Variants in ASRGL1 observed in about 807,000 individuals in gnomAD.
The protein encoded by ASRGL1 is asparaginase and isoaspartyl peptidase 1.
Under a neutral mutation model 22.4 loss-of-function variants are expected in ASRGL1, and 16 were observed. That is an observed-to-expected ratio of 0.71 (90% CI 0.48 to 1.08). The LOEUF (loss-of-function observed/expected upper bound fraction) is 1.08. ASRGL1 is among the 50% of genes least tolerant of loss of function. The pLI is 0.00. For missense variants in ASRGL1, 412 were observed against 410.1 expected (o/e 1.00, Z -0.04); for synonymous variants, 165 against 159.3 (o/e 1.04, Z -0.27).
chr11:62,365,537 G>GT (rs1946590664), intron 4 of ASRGL1, among the ~76,000 whole-genome samples: 1 of 151,932 alleles, frequency 6.6e-6, no homozygotes, highest in Non-Finnish European at 1.5e-5. Flanking sequence ...CTGGGCAACA[G>GT]TGCAAGACTC....
intron 4 of ASRGL1, among the ~76,000 whole-genome samples, chr11:62,373,746 G>A (rs575630435): frequency 1.3e-5 from 2 of 152,368 alleles, no homozygotes; most frequent in South Asian, 4.1e-4. Context: ...TTGGCTGCCT[G>A]TACACCCACA....
intron 4 of ASRGL1, 128 bp downstream of exon 4, chr11:62,357,272 C>G: frequency 1.3e-5 from 3 of 231,458 alleles, no homozygotes; most frequent in Non-Finnish European, 2.1e-5. Context: ...TTGTTTGACA[C>G]GGAGTCTCTC....
chr11:62,398,795 G>A, the ASRGL1 span, among the ~76,000 whole-genome samples: 42 of 152,262 alleles, frequency 2.8e-4, 1 homozygote, highest in African/African-American at 9.6e-4. Context: ...CTCTGGCTTT[G>A]GCACAAATAT....
In ASRGL1 at chr11:62,392,505, G is replaced by A; in HGVS notation, c.*221G>A. ...GATTACTTGAGCCCAGGAGGTCAAA[G>A]CTGAGGTGAGCCATGATTACTCCAC... On this transcript the variant is annotated 3_prime_UTR_variant, in exon 7 of 7. Transcript: ENST00000415229. 1 of 583,472 alleles carries A rather than the reference G, an allele frequency of 1.7e-6. No individual in the cohort carries two copies. Among genetic ancestry groups the A allele is most frequent in the Non-Finnish European group, 3.0e-6 (1 of 329,880 alleles). 36.1% of individuals were successfully genotyped at this position (583,472 alleles called of 1,614,324 possible).
intron 4 of ASRGL1, chr11:62,382,755 C>G (rs1253992494): frequency 6.6e-6 from 1 of 152,290 alleles, no homozygotes; most frequent in East Asian, 1.9e-4. Context: ...TGGGGAGAAA[C>G]CTTGGACAAT....
At chr11:62,361,369 A>G (rs1946428453) in intron 4 of ASRGL1, among the ~76,000 whole-genome samples, 1 of 151,476 alleles carries the variant, frequency 6.6e-6, no homozygotes, top group Non-Finnish European at 1.5e-5. Context: ...TATTTTTAGT[A>G]GAGACGGGGT....
intron 4 of ASRGL1, among the ~76,000 whole-genome samples, chr11:62,364,496 T>C (rs1382440866): frequency 6.6e-6 from 1 of 152,202 alleles, no homozygotes; most frequent in Non-Finnish European, 1.5e-5. Flanking sequence ...CTTCTAGGCA[T>C]ATACCCAAAG....
intron 2 of ASRGL1, among the ~76,000 whole-genome samples, chr11:62,348,009 A>C (rs1946072107): frequency 6.6e-6 from 1 of 152,228 alleles, no homozygotes; most frequent in Non-Finnish European, 1.5e-5. Flanking sequence ...TTGAATCCAC[A>C]CTAATAAACT....
At chr11:62,375,439 T>TATACATATATATATATATATATATATAC (rs1437452548) in intron 4 of ASRGL1, among the ~76,000 whole-genome samples, 3 of 18,532 alleles carry the variant, frequency 1.6e-4, no homozygotes, top group African/African-American at 1.0e-3. Context: ...TATATATATA[T>TATACATATATATATATATATATATATAC]ATATATATAT....
intron 4 of ASRGL1, among the ~76,000 whole-genome samples, chr11:62,377,984 C>G (rs983381458): frequency 2.6e-5 from 4 of 152,076 alleles, no homozygotes; most frequent in African/African-American, 9.7e-5. Context: ...TTTTCTTCCA[C>G]TAATTTAATT....
intron 4 of ASRGL1, among the ~76,000 whole-genome samples, chr11:62,367,745 C>T (rs539533985): frequency 6.6e-6 from 1 of 151,952 alleles, no homozygotes; most frequent in African/African-American, 2.4e-5. Context: ...AGTTCGAGAC[C>T]AGCCTGGCCA....
chr11:62,374,120 G>A (rs749521297), intron 4 of ASRGL1, among the ~76,000 whole-genome samples: 4 of 152,150 alleles, frequency 2.6e-5, no homozygotes, highest in South Asian at 2.1e-4. Flanking sequence ...ATCCTGCCTC[G>A]TGCGGGCCAT....
chr11:62,381,477 A>G (rs1209257680), intron 4 of ASRGL1, among the ~76,000 whole-genome samples: 2 of 152,292 alleles, frequency 1.3e-5, no homozygotes, highest in East Asian at 3.9e-4. Flanking sequence ...TTTCAGGGGC[A>G]TCAGCAACTG....
At chr11:62,373,645 C>T (rs117856323) in intron 4 of ASRGL1, among the ~76,000 whole-genome samples, 2,743 of 152,362 alleles carry the variant, frequency 0.018, 37 homozygotes, top group Non-Finnish European at 0.028. Context: ...CATCCAAAAT[C>T]ATGCTCGCGT....
intron 2 of ASRGL1, among the ~76,000 whole-genome samples, chr11:62,347,900 C>T (rs1453633546): frequency 6.6e-6 from 1 of 152,178 alleles, no homozygotes; most frequent in African/African-American, 2.4e-5. Context: ...GCACTCCAGC[C>T]TGGGCGACAG....
intron 2 of ASRGL1, among the ~76,000 whole-genome samples, chr11:62,338,524 T>TCATA (rs1241338205): frequency 1.3e-5 from 2 of 152,202 alleles, no homozygotes; most frequent in East Asian, 3.9e-4. Flanking sequence ...GGTTTCCAGG[T>TCATA]CATAGTTAAG....
intron 4 of ASRGL1, chr11:62,382,879 T>A (rs1474739679): frequency 6.6e-6 from 1 of 152,214 alleles, no homozygotes; most frequent in Admixed American, 6.5e-5. Context: ...CTTCAAGCAC[T>A]TTTTTAACAA....
chr11:62,368,058 C>A, intron 4 of ASRGL1, among the ~76,000 whole-genome samples: 1 of 152,174 alleles, frequency 6.6e-6, no homozygotes, highest in Non-Finnish European at 1.5e-5. Context: ...GTAGCTCCCC[C>A]TATCTGCGGT....
At chr11:62,390,361 G>T (rs898528983) in intron 5 of ASRGL1, among the ~76,000 whole-genome samples, 1 of 152,226 alleles carries the variant, frequency 6.6e-6, no homozygotes, top group Non-Finnish European at 1.5e-5. Context: ...ACTGCCACTG[G>T]CCAGGCCCCT....
Sources: allele counts gnomAD v4.1 joint callset (sites outside exome capture counted in the v4.1 genomes callset), GRCh38; gene constraint gnomAD v4.1.1; transcripts MANE v1.5; gene names NCBI Gene and HGNC (gene_info 2026-07-23, HGNC 2026-07-21).